THBS1: variants seen among roughly 807,000 people sequenced by gnomAD.
THBS1 encodes the protein thrombospondin 1, also known as thrombospondin-1.
THBS1 carries 29 observed loss-of-function variants against 126.1 expected under a neutral mutation model. That is an observed-to-expected ratio of 0.23 (90% CI 0.17 to 0.31). THBS1 has a LOEUF of 0.31. Ranked by LOEUF, THBS1 falls within the 10% of genes least tolerant of loss-of-function variation. The probability of loss-of-function intolerance (pLI) is 1.00; values close to 1 mark genes in which losing one functional copy is unlikely to be tolerated. For missense variants in THBS1, 1,198 were observed against 1,545.2 expected, an observed-to-expected ratio of 0.78 and a Z score of 3.77; for synonymous variants, 496 against 577.8, an observed-to-expected ratio of 0.86 and a Z score of 2.03.
chr15:39,593,820 AAT>A lies in THBS1; in HGVS notation c.3267+154_3267+155del, dbSNP rs1890378498. 1 of 1,225,448 alleles carries A rather than the reference AAT, an allele frequency of 8.2e-7. No individual in the cohort carries two copies. The highest frequency in any genetic ancestry group is 1.1e-6 in the Non-Finnish European group (1 of 890,210). The allele number at this position is 1,225,448 out of a possible 1,614,324, so 75.9% of individuals were successfully genotyped here. A position where few individuals can be genotyped will look rare whatever the true frequency, so the allele number is the denominator to read the frequency against. ...ATTGAACTCTGCTTTGTAAAAACAT[AAT>A]AGTGTTGAAAAGGGAGCTTGACCAA... On this transcript the variant is annotated intron_variant, in intron 19 of 21. Coordinates refer to ENST00000260356, the MANE Select transcript of THBS1 (RefSeq NM_003246.4). The surrounding 1 kb of genome is among the most constrained non-coding windows in gnomAD (Gnocchi z 5.9).
intron 10 of THBS1, 122 bp downstream of exon 10, chr15:39,588,821 C>A: frequency 3.2e-6 from 5 of 1,571,438 alleles, no homozygotes; most frequent in Non-Finnish European, 4.4e-6. Context: ...CTCTAAGATG[C>A]AGGTGGACAA....
intron 7 of THBS1, chr15:39,586,957 A>G (rs558382753): frequency 6.3e-6 from 1 of 159,772 alleles, no homozygotes; most frequent in East Asian, 1.8e-4. Flanking sequence ...GTTGCTTTTC[A>G]TCCTGTATAA....
chr15:39,593,921 C>A lies in THBS1; in HGVS notation c.3268-178C>A. ...AACCTCCTTCCCTCCTCTCTGTCTG[C>A]TTTATATGTGTGCTCAGTGGCACAC... On this transcript the variant is annotated intron_variant, in intron 19 of 21. Coordinates refer to ENST00000260356, the MANE Select transcript of THBS1 (RefSeq NM_003246.4). The surrounding 1 kb of genome is among the most constrained non-coding windows in gnomAD (Gnocchi z 5.9). 1.1e-6 allele frequency: 1 copy of A among 873,354 alleles called. No individual in the cohort carries two copies. The highest frequency in any genetic ancestry group is 1.8e-5 in the South Asian group (1 of 54,410). 54.1% of individuals were successfully genotyped at this position (873,354 alleles called of 1,614,324 possible). A position where few individuals can be genotyped will look rare whatever the true frequency, so the allele number is the denominator to read the frequency against.
At position 39,592,375 on chromosome 15, in the gene THBS1, A is replaced by T. The variant is rs1482054418; in HGVS notation, c.2533-193A>T. ...CCTTCTCAGATTTTTATACGAAAAC[A>T]AAGATAAAGGAAAAAAACTTTTAAA... On this transcript the variant is annotated intron_variant, in intron 16 of 21. Coordinates refer to ENST00000260356, the MANE Select transcript of THBS1 (RefSeq NM_003246.4). The surrounding 1 kb of genome is among the most constrained non-coding windows in gnomAD (Gnocchi z 4.3). 1.3e-5 allele frequency among the ~76,000 whole-genome samples: 2 copies of T among 152,220 alleles called. No homozygotes were observed. The highest frequency in any genetic ancestry group is 2.9e-5 in the Non-Finnish European group (2 of 68,036).
chr15:39,583,784 A>G, intron 4 of THBS1, 92 bp downstream of exon 4: 2 of 1,402,218 alleles, frequency 1.4e-6, no homozygotes, highest in Non-Finnish European at 2.0e-6. Flanking sequence ...GGTTATACAT[A>G]AATTACCCCC....
chr15:39,588,979 T>A lies in THBS1; in HGVS notation c.1666T>A (p.Cys556Ser). ...CPIDGCLSNP[C>S]FAGVKCTSYP... ...CTCAGATGGATGCCTGTCCAATCCC[T>A]GCTTTGCCGGCGTGAAGTGTACTAG... Residue 556 changes from cysteine (C) to serine (S), a missense_variant, in exon 11 of 22, where the codon TGC (cysteine) becomes AGC (serine). Coordinates refer to ENST00000260356, the MANE Select transcript of THBS1 (RefSeq NM_003246.4). The A allele has an allele frequency of 6.2e-7, 1 of 1,614,172 alleles. No homozygotes were observed. The highest frequency in any genetic ancestry group is 8.5e-7 in the Non-Finnish European group (1 of 1,180,018).
Position 39,590,518 on chromosome 15 carries a change from T to C in THBS1, c.2148T>C (p.Asp716=). Residue 716 remains aspartate (D), a splice_region_variant and synonymous_variant, in exon 14 of 22, where the codon GAT becomes GAC. Transcript: ENST00000260356. The part of the protein sequence containing the change: ...VANATYHCKK[D]NCPNLPNSGQ... ...GATATATATCTTCTCTTTCCTAGGATAATTGCCCCAACCTTCCCAACTCAG... is the reference window on the plus strand; with the variant it reads ...GATATATATCTTCTCTTTCCTAGGACAATTGCCCCAACCTTCCCAACTCAG... The C allele has an allele frequency of 1.9e-6, 3 of 1,612,746 alleles. No homozygotes were observed. Among genetic ancestry groups the C allele is most frequent in the Non-Finnish European group, 2.5e-6 (3 of 1,179,436 alleles).
rs777313814 is a variant in THBS1, at chr15:39,593,692, G to C, written c.3267+24G>C. The C allele has an allele frequency of 1.7e-5, 28 of 1,609,638 alleles. No individual in the cohort carries two copies. The highest frequency in any genetic ancestry group is 2.4e-5 in the Non-Finnish European group (28 of 1,178,310). ...AGGTAAGAAGCAAAGCCCTGGAACA[G>C]AGAGAGAGCTTATGGGTGCCTGACT... On this transcript the variant is annotated intron_variant, in intron 19 of 21. Coordinates refer to ENST00000260356, the MANE Select transcript of THBS1 (RefSeq NM_003246.4). The surrounding 1 kb of genome is among the most constrained non-coding windows in gnomAD (Gnocchi z 5.9).
In THBS1 at chr15:39,594,090, T is replaced by C. The variant is rs760405908; in HGVS notation, c.3268-9T>C. On this transcript the variant is annotated splice_polypyrimidine_tract_variant and intron_variant, in intron 19 of 21. Transcript: ENST00000260356. The surrounding 1 kb of genome is among the most constrained non-coding windows in gnomAD (Gnocchi z 4.4). ...TGTGTTTCAACCTTTCCTTTTCCTT[T>C]TCCTTCAGGTGCGCACCCTGTGGCA... 1.2e-6 allele frequency: 2 copies of C among 1,609,700 alleles called. No individual in the cohort carries two copies. The highest frequency in any genetic ancestry group is 2.2e-5 in the South Asian group (2 of 90,040).
At position 39,589,384 on chromosome 15, in the gene THBS1, G is replaced by T; in HGVS notation, c.1926+30G>T. The T allele has an allele frequency of 1.2e-6, 2 of 1,612,432 alleles. No homozygotes were observed. On this transcript the variant is annotated intron_variant, in intron 12 of 21. Coordinates refer to ENST00000260356, the MANE Select transcript of THBS1 (RefSeq NM_003246.4). This position sits in a 1 kb window ranked among gnomAD's most constrained non-coding sequence, Gnocchi z 4.7. ...AGTCAACTAGACGAGTAAACCAGAG[G>T]ACAGGAGAGCTGTCCTTGACCAAAA...
chr15:39,586,737 G>A (rs1890215007), intron 7 of THBS1: 1 of 152,212 alleles, frequency 6.6e-6, no homozygotes, highest in African/African-American at 2.4e-5. Flanking sequence ...ATTCTTGGAA[G>A]TCTGAGACTG....
intron 4 of THBS1, 133 bp from the exon 5 acceptor site, chr15:39,583,855 T>C: frequency 1.8e-6 from 2 of 1,110,814 alleles, no homozygotes; most frequent in Non-Finnish European, 2.6e-6. Flanking sequence ...CACACACGTA[T>C]ACACACGTGC....
rs1890255296 is a variant in THBS1, at chr15:39,588,527, C to T, written c.1473C>T (p.Ile491=). 6.5e-7 allele frequency: 1 copy of T among 1,546,270 alleles called. No homozygotes were observed. Among genetic ancestry groups the T allele is most frequent in the East Asian group, 2.3e-5 (1 of 44,302 alleles). ...TGCCTGTGGTTCATCTTCTTACAGT[C>T]AATGGAGGCTGGGGTCCTTGGTCAC... ...TKACKKDACP[I]NGGWGPWSPW... The change falls in exon 10 of 22, where the codon ATC becomes ATT. Residue 491 remains isoleucine, a splice_region_variant and synonymous_variant. Coordinates refer to ENST00000260356, the MANE Select transcript of THBS1 (RefSeq NM_003246.4).
Position 39,589,993 on chromosome 15 carries a change from C to T in THBS1, c.2115C>T (p.Cys705=), listed in dbSNP as rs749476872. 2.3e-5 allele frequency: 37 copies of T among 1,610,824 alleles called. 1 individual carries two copies. The highest frequency in any genetic ancestry group is 2.8e-5 in the Non-Finnish European group (33 of 1,178,470). The change falls in exon 13 of 22, where the codon TGC becomes TGT. Residue 705 remains cysteine, a synonymous_variant. Coordinates refer to ENST00000260356, the MANE Select transcript of THBS1 (RefSeq NM_003246.4). This position sits in a 1 kb window ranked among gnomAD's most constrained non-coding sequence, Gnocchi z 4.7. ...GCTGGCCCAATGAGAACCTGGTGTG[C>T]GTGGCCAATGCGACTTACCACTGCA... is the stretch of plus-strand genomic sequence containing the variant. ...LDGWPNENLV[C]VANATYHCKK...
rs755986140 is a variant in THBS1, at chr15:39,595,808, G to A, written c.*439G>A. ...CCCTGACATCCTCCTTCAGGAACAC[G>A]GGGAGCAGAGGCCAAAGCACTAAGG... is the stretch of plus-strand genomic sequence containing the variant. On this transcript the variant is annotated 3_prime_UTR_variant, in exon 22 of 22. Coordinates refer to ENST00000260356, the MANE Select transcript of THBS1 (RefSeq NM_003246.4). 16 of 460,024 alleles carry A rather than the reference G, an allele frequency of 3.5e-5. No individual in the cohort carries two copies. The highest frequency in any genetic ancestry group is 3.2e-4 in the Middle Eastern group (1 of 3,118). 28.5% of individuals were successfully genotyped at this position (460,024 alleles called of 1,614,324 possible). A position where few individuals can be genotyped will look rare whatever the true frequency, so the allele number is the denominator to read the frequency against.
Position 39,581,857 on chromosome 15 carries a change from C to T in THBS1, c.-1C>T, listed in dbSNP as rs1298103493. ...CCCTGCTGGGCACCAACAGCTCCACCATGGGGCTGGCCTGGGGACTAGGCG... is the reference window on the plus strand; with the variant it reads ...CCCTGCTGGGCACCAACAGCTCCACTATGGGGCTGGCCTGGGGACTAGGCG... On this transcript the variant is annotated 5_prime_UTR_variant, in exon 2 of 22. Transcript: ENST00000260356. 6.2e-7 allele frequency: 1 copy of T among 1,613,804 alleles called. No homozygotes were observed. The highest frequency in any genetic ancestry group is 1.3e-5 in the African/African-American group (1 of 74,918).
At chr15:39,582,894 T>A in intron 3 of THBS1, 142 bp downstream of exon 3, 1 of 966,604 alleles carries the variant, frequency 1.0e-6, no homozygotes, top group Non-Finnish European at 1.5e-6. Context: ...CTGGAGGGCT[T>A]GTGAAAGCTC....
In THBS1 at chr15:39,591,577, T is replaced by C. The variant is rs772789708; in HGVS notation, c.2486T>C (p.Val829Ala). 5 of 1,614,014 alleles carry C rather than the reference T, an allele frequency of 3.1e-6. No homozygotes were observed. The highest frequency in any genetic ancestry group is 2.7e-5 in the African/African-American group (2 of 74,898). Reference sequence around the variant, plus strand: ...CAGAGAGACACTGATATGGATGGGGTTGGAGATCAGTGTGACAATTGCCCC... The same window carrying C: ...CAGAGAGACACTGATATGGATGGGGCTGGAGATCAGTGTGACAATTGCCCC... ...VDQRDTDMDG[V>A]GDQCDNCPLE... Residue 829 changes from valine to alanine, a missense_variant, in exon 16 of 22, where the codon GTT becomes GCT. By Grantham distance (64) the Val-to-Ala change is moderately conservative. Transcript: ENST00000260356.
chr15:39,595,295 TAA>T, intron 21 of THBS1, 65 bp from the exon 22 acceptor site: 6 of 1,109,672 alleles, frequency 5.4e-6, no homozygotes, highest in African/African-American at 1.6e-5. Flanking sequence ...ACTTATTAAC[TAA>T]GATGTCTATG....
Sources: gnomAD v4.1 joint callset for allele counts (sites outside exome capture counted in the v4.1 genomes callset) on GRCh38, gnomAD v4.1.1 for gene constraint, Gnocchi (gnomAD v3.1) non-coding constraint, MANE v1.5 for transcripts, NCBI Gene and HGNC (gene_info 2026-07-23, HGNC 2026-07-21) for gene names.